Variants in NHERF1 observed in about 807,000 individuals in gnomAD.
NHERF1 encodes NHERF family PDZ scaffold protein 1.
chr17:74,750,858 C>T, the NHERF1 span, among the ~76,000 whole-genome samples: 6 of 123,602 alleles, frequency 4.9e-5, no homozygotes, highest in Non-Finnish European at 6.3e-5. Flanking sequence ...GCCTGGGAGG[C>T]GAACGTGGAG....
chr17:74,756,779 C>T, the NHERF1 span, among the ~76,000 whole-genome samples: 1 of 152,146 alleles, frequency 6.6e-6, no homozygotes, highest in Non-Finnish European at 1.5e-5. Flanking sequence ...TAATACTTTC[C>T]TTTTAGGACT....
chr17:74,763,189 G>A, the NHERF1 span: 1 of 584,484 alleles, frequency 1.7e-6, no homozygotes, highest in Admixed American at 3.1e-5. Context: ...ACTGTCAATG[G>A]GAGGACCCCC....
chr17:74,755,414 C>T, the NHERF1 span, among the ~76,000 whole-genome samples: 1 of 152,202 alleles, frequency 6.6e-6, no homozygotes, highest in Non-Finnish European at 1.5e-5. Flanking sequence ...GGGTGGTCTT[C>T]ACTGTTGACC....
At chr17:74,765,572 T>C in the NHERF1 span, among the ~76,000 whole-genome samples, 6 of 148,808 alleles carry the variant, frequency 4.0e-5, no homozygotes, top group East Asian at 1.2e-3. Flanking sequence ...TTTTTTTTTT[T>C]CCGGACACAG....
At chr17:74,748,807 C>A in the NHERF1 span, 1 of 1,545,860 alleles carries the variant, frequency 6.5e-7, no homozygotes, top group Non-Finnish European at 8.7e-7. The surrounding 1 kb of genome is among the most constrained non-coding windows in gnomAD (Gnocchi z 4.3). Flanking sequence ...CCGTCCCCAT[C>A]GGAACCCCAA....
chr17:74,757,203 C>G, the NHERF1 span, among the ~76,000 whole-genome samples: 4 of 152,164 alleles, frequency 2.6e-5, no homozygotes, highest in African/African-American at 7.2e-5. Flanking sequence ...ACCTCTGAGT[C>G]CTGGGGGTGT....
At chr17:74,766,146 C>A in the NHERF1 span, among the ~76,000 whole-genome samples, 255 of 152,230 alleles carry the variant, frequency 1.7e-3, no homozygotes, top group African/African-American at 5.7e-3. Context: ...CTCATAAGAT[C>A]AATTTAGTAG....
At chr17:74,761,114 C>G in the NHERF1 span, among the ~76,000 whole-genome samples, 4 of 152,236 alleles carry the variant, frequency 2.6e-5, no homozygotes, top group African/African-American at 7.2e-5. This position sits in a 1 kb window ranked among gnomAD's most constrained non-coding sequence, Gnocchi z 4.3. Context: ...TACTTTGGAC[C>G]AAGCATGTTG....
chr17:74,748,963 C>T, the NHERF1 span: 1 of 1,607,050 alleles, frequency 6.2e-7, no homozygotes, highest in Non-Finnish European at 8.5e-7. This position sits in a 1 kb window ranked among gnomAD's most constrained non-coding sequence, Gnocchi z 4.3. Flanking sequence ...GCCAGTACAT[C>T]CGGCTGGTGG....
the NHERF1 span, chr17:74,749,059 C>T: frequency 1.9e-6 from 3 of 1,596,466 alleles, no homozygotes; most frequent in East Asian, 2.3e-5. The surrounding 1 kb of genome is among the most constrained non-coding windows in gnomAD (Gnocchi z 5.6). Flanking sequence ...AGAAGGAGAC[C>T]CACCAGCAGG....
the NHERF1 span, among the ~76,000 whole-genome samples, chr17:74,758,800 ATGG>A: frequency 6.6e-6 from 1 of 152,112 alleles, no homozygotes; most frequent in African/African-American, 2.4e-5. The surrounding 1 kb of genome is among the most constrained non-coding windows in gnomAD (Gnocchi z 4.3). Context: ...TCCAAGAGCA[ATGG>A]TGGCTGAGCT....
the NHERF1 span, chr17:74,763,536 C>A: frequency 6.4e-7 from 1 of 1,573,256 alleles, no homozygotes; most frequent in Non-Finnish European, 8.6e-7. Context: ...CCAGGTGGGG[C>A]CACTGGCCGT....
At chr17:74,754,330 C>A in the NHERF1 span, among the ~76,000 whole-genome samples, 1 of 151,690 alleles carries the variant, frequency 6.6e-6, no homozygotes, top group Non-Finnish European at 1.5e-5. Flanking sequence ...TTGTACAGTG[C>A]CTTTAGGCAC....
chr17:74,763,090 G>C, the NHERF1 span: 6 of 354,840 alleles, frequency 1.7e-5, no homozygotes, highest in Non-Finnish European at 3.1e-5. Flanking sequence ...CTCCCAGCTC[G>C]CTCCCATCCC....
chr17:74,768,902 G>C, the NHERF1 span: 1 of 538,682 alleles, frequency 1.9e-6, no homozygotes, highest in African/African-American at 1.9e-5. Flanking sequence ...TCATCCTACC[G>C]GGTGTCCCTT....
At chr17:74,768,396 C>T in the NHERF1 span, 1 of 1,564,994 alleles carries the variant, frequency 6.4e-7, no homozygotes, top group Non-Finnish European at 8.8e-7. Context: ...GGAGCCACCT[C>T]ACCAAGGCTG....
chr17:74,749,313 C>G, the NHERF1 span: 1 of 1,521,198 alleles, frequency 6.6e-7, no homozygotes, highest in East Asian at 2.5e-5. This position sits in a 1 kb window ranked among gnomAD's most constrained non-coding sequence, Gnocchi z 5.6. Context: ...GCCGCGCAGG[C>G]TGGCATGGAG....
chr17:74,763,261 A>G, the NHERF1 span: 9 of 1,110,124 alleles, frequency 8.1e-6, no homozygotes, highest in Non-Finnish European at 1.2e-5. Context: ...TGAACTGCAA[A>G]CTGGCTGAGA....
chr17:74,751,860 C>T, the NHERF1 span, among the ~76,000 whole-genome samples: 161 of 152,390 alleles, frequency 1.1e-3, 2 homozygotes, highest in Middle Eastern at 3.4e-3. This position sits in a 1 kb window ranked among gnomAD's most constrained non-coding sequence, Gnocchi z 4.3. Context: ...TACCTCACCT[C>T]TGTAAGCCTC....
Sources: gnomAD v4.1 joint callset for allele counts (sites outside exome capture counted in the v4.1 genomes callset) on GRCh38, gnomAD v4.1.1 for gene constraint, Gnocchi (gnomAD v3.1) non-coding constraint, MANE v1.5 for transcripts, NCBI Gene and HGNC (gene_info 2026-07-23, HGNC 2026-07-21) for gene names.